Variants in AHCTF1 observed in about 807,000 individuals in gnomAD.
AHCTF1 encodes the protein protein ELYS.
AHCTF1 carries 24 observed loss-of-function variants against 248.4 expected under a neutral mutation model. The ratio of observed to expected loss-of-function variants is 0.10; its 90% CI spans 0.07 to 0.14. The LOEUF is 0.14. AHCTF1 is among the 10% of genes least tolerant of loss of function. The pLI is 1.00. For missense variants in AHCTF1, 2,206 were observed against 2,636.2 expected, an observed-to-expected ratio of 0.84 and a Z score of 3.57; for synonymous variants, 786 against 929.8, an observed-to-expected ratio of 0.85 and a Z score of 2.81.
At chr1:246,846,792 T>C (rs1372892171) in intron 33 of AHCTF1, among the ~76,000 whole-genome samples, 1 of 151,996 alleles carries the variant, frequency 6.6e-6, no homozygotes, top group Non-Finnish European at 1.5e-5. Context: ...TCTCAATCTG[T>C]CACCTGGGCT....
In AHCTF1 at chr1:246,900,465, T is replaced by C. The variant is rs767118712; in HGVS notation, c.1122A>G (p.Leu374=). ...AGACTGAAACACTAGTGTCAGGCGATAGAGCTGGAAGAAAAAGATAATTTT... is the reference window on the plus strand; with the variant it reads ...AGACTGAAACACTAGTGTCAGGCGACAGAGCTGGAAGAAAAAGATAATTTT... ...GDREEGVNEA[L]SPDTSVSVFT... The change falls in exon 9 of 36, where the codon CTA becomes CTG. Residue 374 remains leucine, a synonymous_variant. Coordinates refer to ENST00000648844, the MANE Select transcript of AHCTF1 (RefSeq NM_001323342.2). 29 of 1,586,366 alleles carry C rather than the reference T, an allele frequency of 1.8e-5. No homozygotes were observed. The highest frequency in any genetic ancestry group is 6.7e-5 in the East Asian group (3 of 44,532).
chr1:246,840,601 T>C lies in AHCTF1; in HGVS notation c.*205A>G. 1 of 318,508 alleles carries C rather than the reference T, an allele frequency of 3.1e-6. No individual in the cohort carries two copies. The highest frequency in any genetic ancestry group is 5.6e-6 in the Non-Finnish European group (1 of 177,750). The allele number at this position is 318,508 out of a possible 1,614,324, so 19.7% of individuals were successfully genotyped here. On this transcript the variant is annotated 3_prime_UTR_variant, in exon 36 of 36. Coordinates refer to ENST00000648844, the MANE Select transcript of AHCTF1 (RefSeq NM_001323342.2). Reference sequence around the variant, plus strand: ...TAAGCCATATTTACATATATAAATGTATGAAGTCTTAATATAAAATAGAAA... The same window carrying C: ...TAAGCCATATTTACATATATAAATGCATGAAGTCTTAATATAAAATAGAAA...
At chr1:246,911,545 G>A (rs1275553025) in intron 4 of AHCTF1, among the ~76,000 whole-genome samples, 14 of 144,040 alleles carry the variant, frequency 9.7e-5, no homozygotes, top group Admixed American at 5.1e-4. Flanking sequence ...ATGCAATGGC[G>A]CAATCTCGGC....
chr1:246,859,744 T>G (rs917866858), intron 29 of AHCTF1, among the ~76,000 whole-genome samples: 8 of 151,916 alleles, frequency 5.3e-5, no homozygotes, highest in East Asian at 2.0e-4. Flanking sequence ...CCCAGCTAAT[T>G]TTTTTATATT....
intron 7 of AHCTF1, 112 bp downstream of exon 7, chr1:246,903,837 C>CAAAAA: frequency 3.2e-6 from 2 of 624,946 alleles, no homozygotes; most frequent in Non-Finnish European, 5.0e-6. Context: ...GACTCTGTCT[C>CAAAAA]AAAAAAAAAA....
In AHCTF1 at chr1:246,918,283, A is replaced by G; in HGVS notation, c.88T>C (p.Leu30=). Residue 30 remains leucine, a synonymous_variant, in exon 2 of 36, where the codon TTA becomes CTA. Coordinates refer to ENST00000648844, the MANE Select transcript of AHCTF1 (RefSeq NM_001323342.2). ...LQALGEDEIT[L]ESVLRGKFAA... ...AACTTTCCACGAAGCACAGATTCTA[A>G]TGTTATTTCGTCTTCTCCAAGGGCT... 1 of 1,611,654 alleles carries G rather than the reference A, an allele frequency of 6.2e-7. No homozygotes were observed. Among genetic ancestry groups the G allele is most frequent in the Non-Finnish European group, 8.5e-7 (1 of 1,179,472 alleles).
chr1:246,909,067 C>A (rs1213122798), intron 4 of AHCTF1, among the ~76,000 whole-genome samples: 1 of 137,020 alleles, frequency 7.3e-6, no homozygotes. Flanking sequence ...AATTCTATAT[C>A]TATATATATC....
At chr1:246,892,789 G>A (rs879510367) in intron 14 of AHCTF1, among the ~76,000 whole-genome samples, 1 of 146,350 alleles carries the variant, frequency 6.8e-6, no homozygotes, top group African/African-American at 2.6e-5. Flanking sequence ...GTGCCACCCT[G>A]CCCAGCTAAT....
chr1:246,871,546 A>G (rs1662591402), intron 24 of AHCTF1, among the ~76,000 whole-genome samples: 1 of 152,238 alleles, frequency 6.6e-6, no homozygotes, highest in African/African-American at 2.4e-5. Flanking sequence ...AAAGGGGCCC[A>G]GAAAAACAAG....
At chr1:246,897,472 C>T (rs1049664237) in intron 12 of AHCTF1, among the ~76,000 whole-genome samples, 11 of 152,090 alleles carry the variant, frequency 7.2e-5, no homozygotes, top group African/African-American at 2.7e-4. Context: ...GGATACATTC[C>T]GATGAATGTT....
intron 1 of AHCTF1, among the ~76,000 whole-genome samples, chr1:246,930,534 A>G (rs534298671): frequency 9.4e-4 from 142 of 151,232 alleles, no homozygotes; most frequent in African/African-American, 3.3e-3. Context: ...AACCACTCTA[A>G]TTTCTTCTCT....
At chr1:246,902,725 C>T in intron 7 of AHCTF1, 50 bp from the exon 8 acceptor site, 1 of 1,475,228 alleles carries the variant, frequency 6.8e-7, no homozygotes, top group Non-Finnish European at 9.1e-7. Context: ...GGCAAAAAGT[C>T]ACTCTAAAAT....
chr1:246,921,049 G>A (rs1013891701), intron 1 of AHCTF1, among the ~76,000 whole-genome samples: 6 of 151,060 alleles, frequency 4.0e-5, no homozygotes, highest in Non-Finnish European at 8.9e-5. Flanking sequence ...CCAAGACCAC[G>A]GCATTGCACT....
chr1:246,878,943 C>G (rs1352164486), intron 21 of AHCTF1, among the ~76,000 whole-genome samples: 7 of 152,134 alleles, frequency 4.6e-5, no homozygotes, highest in Non-Finnish European at 7.3e-5. Context: ...GAAGAGTGTT[C>G]ATCTGCGTGT....
At chr1:246,890,207 A>C in intron 16 of AHCTF1, 148 bp from the exon 17 acceptor site, 1 of 501,316 alleles carries the variant, frequency 2.0e-6, no homozygotes, top group South Asian at 3.0e-5. Flanking sequence ...AGATTACTAC[A>C]CATCTTTTTA....
At position 246,862,253 on chromosome 1, in the gene AHCTF1, G is replaced by C. The variant is rs1661617295; in HGVS notation, c.3541-100C>G. ...CCCTGCACTTTGGGAGGCAGAGGCA[G>C]GCGGATCACCAGGTCAGGAGATCGA... On this transcript the variant is annotated intron_variant, in intron 27 of 35. Transcript: ENST00000648844. 5 of 758,996 alleles carry C rather than the reference G, an allele frequency of 6.6e-6. No homozygotes were observed. The East Asian group carries it at 1.6e-4, about 24-fold the overall frequency. The allele number at this position is 758,996 out of a possible 1,614,324, so 47.0% of individuals were successfully genotyped here.
chr1:246,888,257 T>G (rs748572951), intron 18 of AHCTF1, 24 bp from the exon 19 acceptor site: 108 of 1,613,574 alleles, frequency 6.7e-5, no homozygotes, highest in Non-Finnish European at 9.1e-5. Context: ...GGATAAAACC[T>G]TCAGTGGATC....
chr1:246,898,727 A>G (rs1009275333), intron 11 of AHCTF1, among the ~76,000 whole-genome samples: 1 of 152,154 alleles, frequency 6.6e-6, no homozygotes, highest in Non-Finnish European at 1.5e-5. Flanking sequence ...TTAAGTATAA[A>G]TACAGCATTC....
chr1:246,867,901 CCA>C (rs1553291132), intron 24 of AHCTF1, 90 bp from the exon 25 acceptor site: 9,046 of 307,268 alleles, frequency 0.029, 52 homozygotes, highest in East Asian at 0.055. Flanking sequence ...ACCCCCCCCC[CCA>C]CACACACACA....
Sources: allele counts gnomAD v4.1 joint callset (sites outside exome capture counted in the v4.1 genomes callset), GRCh38; gene constraint gnomAD v4.1.1; transcripts MANE v1.5; gene names NCBI Gene and HGNC (gene_info 2026-07-23, HGNC 2026-07-21).